ZNF469: variants seen among roughly 807,000 people sequenced by gnomAD.
ZNF469 encodes the protein zinc finger protein 469.
ZNF469 carries 1 observed loss-of-function variant against 1.0 expected under a neutral mutation model. The observed-to-expected ratio is 1.00, with a 90% CI of 0.35 to 4.73. The LOEUF (loss-of-function observed/expected upper bound fraction) is 4.73, where lower values mean the gene tolerates loss of function less well. Among genes scored for constraint, ZNF469 ranks in the 30% most tolerant of loss-of-function variants. The pLI is 0.16. For missense variants in ZNF469, 6,100 were observed against 5,356.3 expected, an observed-to-expected ratio of 1.14 and a Z score of -4.33; for synonymous variants, 2,703 against 2,363.4, an observed-to-expected ratio of 1.14 and a Z score of -4.17.
chr16:88,354,352 C>A, the ZNF469 span, among the ~76,000 whole-genome samples: 1 of 152,176 alleles, frequency 6.6e-6, no homozygotes, highest in Non-Finnish European at 1.5e-5. Flanking sequence ...GCAGCCAGGT[C>A]CTCGGCTCCC....
the ZNF469 span, among the ~76,000 whole-genome samples, chr16:88,122,925 C>T: frequency 6.7e-6 from 1 of 150,092 alleles, no homozygotes. Context: ...TTACTACAGC[C>T]TTGTCCTCCT....
At chr16:88,101,558 T>TTG in the ZNF469 span, among the ~76,000 whole-genome samples, 1 of 147,762 alleles carries the variant, frequency 6.8e-6, no homozygotes, top group African/African-American at 2.5e-5. Flanking sequence ...TTTTTTTTTT[T>TTG]GAGAAAAGAA....
At chr16:88,409,330 T>G (rs1420132195) in intron 1 of ZNF469, among the ~76,000 whole-genome samples, 1 of 152,178 alleles carries the variant, frequency 6.6e-6, no homozygotes, top group Non-Finnish European at 1.5e-5. Context: ...TCGGAGACAC[T>G]TGAGAACTGG....
chr16:88,379,539 C>T (rs1367700690), upstream of ZNF469, among the ~76,000 whole-genome samples: 1 of 152,106 alleles, frequency 6.6e-6, no homozygotes, highest in African/African-American at 2.4e-5. Context: ...AATCAGGAGG[C>T]CAAGCCTGGA....
the ZNF469 span, among the ~76,000 whole-genome samples, chr16:88,223,577 G>C: frequency 6.6e-6 from 1 of 152,190 alleles, no homozygotes; most frequent in South Asian, 2.1e-4. Flanking sequence ...GCACAAAGCC[G>C]AGTGAAGAAC....
At chr16:88,189,393 G>C in the ZNF469 span, among the ~76,000 whole-genome samples, 21 of 152,304 alleles carry the variant, frequency 1.4e-4, no homozygotes, top group Non-Finnish European at 2.4e-4. The surrounding 1 kb of genome is among the most constrained non-coding windows in gnomAD (Gnocchi z 4.3). Flanking sequence ...GTTCTTCCCA[G>C]CTGGGGTCTC....
the ZNF469 span, among the ~76,000 whole-genome samples, chr16:88,268,642 C>G: frequency 6.6e-6 from 1 of 152,350 alleles, no homozygotes; most frequent in East Asian, 1.9e-4. Flanking sequence ...GTTGGCACCG[C>G]CAGCAGGACG....
chr16:88,268,074 G>A, the ZNF469 span, among the ~76,000 whole-genome samples: 5 of 152,112 alleles, frequency 3.3e-5, no homozygotes, highest in Non-Finnish European at 7.4e-5. Context: ...TCTTCATGGA[G>A]GTTGAGCTCC....
chr16:88,179,231 T>G, the ZNF469 span, among the ~76,000 whole-genome samples: 4 of 152,224 alleles, frequency 2.6e-5, no homozygotes, highest in Admixed American at 1.3e-4. Flanking sequence ...CGGGCGGGGG[T>G]TTGGGTCAAG....
the ZNF469 span, among the ~76,000 whole-genome samples, chr16:88,108,494 G>C: frequency 6.6e-6 from 1 of 152,226 alleles, no homozygotes; most frequent in African/African-American, 2.4e-5. Context: ...GAAGAATCAG[G>C]CTGTCAAGTT....
the ZNF469 span, among the ~76,000 whole-genome samples, chr16:88,328,629 G>T: frequency 2.0e-5 from 3 of 152,302 alleles, no homozygotes; most frequent in South Asian, 6.2e-4. Context: ...CTCCATCCCT[G>T]GCTCCCAAAA....
the ZNF469 span, among the ~76,000 whole-genome samples, chr16:88,357,520 C>T: frequency 6.6e-6 from 1 of 152,188 alleles, no homozygotes; most frequent in Non-Finnish European, 1.5e-5. Context: ...CAGGAAGTAG[C>T]AGGTGGACCC....
At chr16:88,208,779 G>GCACACACACACA in the ZNF469 span, among the ~76,000 whole-genome samples, 6 of 133,700 alleles carry the variant, frequency 4.5e-5, no homozygotes, top group Admixed American at 7.3e-5. Context: ...GCGTGCGCGC[G>GCACACACACACA]CACACACACA....
chr16:88,114,670 C>G, the ZNF469 span, among the ~76,000 whole-genome samples: 3 of 152,232 alleles, frequency 2.0e-5, no homozygotes, highest in East Asian at 3.8e-4. Context: ...GGGACCCTGT[C>G]TGAGCCTCTC....
intron 1 of ZNF469, among the ~76,000 whole-genome samples, chr16:88,395,568 C>T (rs551468688): frequency 1.6e-3 from 248 of 152,186 alleles, no homozygotes; most frequent in Non-Finnish European, 2.4e-3. Context: ...ACATACTAGG[C>T]ACCATGCTGT....
chr16:88,195,517 C>G, the ZNF469 span, among the ~76,000 whole-genome samples: 19 of 152,288 alleles, frequency 1.2e-4, no homozygotes, highest in Middle Eastern at 6.8e-3. Flanking sequence ...TTAGCTGGGG[C>G]TGTCGGCTGA....
intron 1 of ZNF469, among the ~76,000 whole-genome samples, chr16:88,383,759 G>A (rs12596345): frequency 1.1e-4 from 17 of 152,006 alleles, no homozygotes; most frequent in African/African-American, 3.4e-4. Context: ...GCGCGGCATA[G>A]GCTTGCGAGT....
the ZNF469 span, among the ~76,000 whole-genome samples, chr16:88,254,818 G>A: frequency 1.3e-5 from 2 of 151,522 alleles, no homozygotes; most frequent in African/African-American, 4.9e-5. Flanking sequence ...ATAACTTTTA[G>A]AAACAGCTTA....
At chr16:88,134,024 G>A in the ZNF469 span, among the ~76,000 whole-genome samples, 44 of 152,326 alleles carry the variant, frequency 2.9e-4, no homozygotes, top group African/African-American at 8.4e-4. Flanking sequence ...GAACCCCCCC[G>A]GAGGTGGAGG....
Sources: allele counts gnomAD v4.1 joint callset (sites outside exome capture counted in the v4.1 genomes callset), GRCh38; gene constraint gnomAD v4.1.1; non-coding constraint Gnocchi (gnomAD v3.1); transcripts MANE v1.5; gene names NCBI Gene and HGNC (gene_info 2026-07-23, HGNC 2026-07-21).